ABLIM3: variants seen among roughly 807,000 people sequenced by gnomAD.
The protein encoded by ABLIM3 is actin-binding LIM protein 3.
ABLIM3 carries 61 observed loss-of-function variants against 109.5 expected under a neutral mutation model. The observed-to-expected ratio is 0.56, with a 90% CI of 0.45 to 0.69. ABLIM3 has a LOEUF of 0.69. Ranked by LOEUF, ABLIM3 falls within the 30% of genes least tolerant of loss-of-function variation. The pLI, the probability that ABLIM3 is intolerant of heterozygous loss-of-function variation, is 0.00. For synonymous variants in ABLIM3, 300 were observed against 324.8 expected, an observed-to-expected ratio of 0.92 and a Z score of 0.82; for missense variants, 796 against 889.5, an observed-to-expected ratio of 0.89 and a Z score of 1.34.
rs1223706975 is a variant in ABLIM3 at position 149,198,236 on chromosome 5, G to A, written c.169G>A (p.Ala57Thr). ...FTCQVCGCGL[A>T]QSGFFFKNQE... ...TCCCCAAGTATGTGGCTGTGGCCTG[G>A]CCCAGTCAGGCTTCTTCTTCAAGAA... The change falls in exon 4 of 24, where the codon GCC becomes ACC. Residue 57 changes from alanine to threonine, a missense_variant. Physicochemically the swap from Ala to Thr is moderately conservative, Grantham distance 58. Transcript: ENST00000309868. The surrounding 1 kb of genome is among the most constrained non-coding windows in gnomAD (Gnocchi z 4.2). 2.5e-6 allele frequency: 4 copies of A among 1,613,090 alleles called. No individual in the cohort carries two copies. Among genetic ancestry groups the A allele is most frequent in the Non-Finnish European group, 3.4e-6 (4 of 1,179,560 alleles).
In ABLIM3 at chr5:149,171,804, C is replaced by A. The variant is rs573318420; in HGVS notation, c.14-11648C>A. Among the ~76,000 whole-genome samples, 4 of 152,320 alleles carry A rather than the reference C, an allele frequency of 2.6e-5. No individual in the cohort carries two copies. The South Asian group carries it at 6.2e-4, about 24-fold the overall frequency. On this transcript the variant is annotated intron_variant, in intron 2 of 23. Coordinates refer to ENST00000309868, the MANE Select transcript of ABLIM3 (RefSeq NM_014945.5). ...TCAGTTTGGCCCCAATCCATGCCTT[C>A]CCAATCTCAAACATATCTCTTTGAA...
chr5:149,230,761 A>G (rs1046474681), intron 9 of ABLIM3, 54 bp downstream of exon 9: 215 of 1,595,966 alleles, frequency 1.3e-4, no homozygotes, highest in Non-Finnish European at 1.6e-4. Context: ...ACTTTCTGCC[A>G]CAGGCTAAGG....
rs1261017859 is a variant in ABLIM3, at chr5:149,176,557, G to C, written c.14-6895G>C. Among the ~76,000 whole-genome samples the C allele has an allele frequency of 2.6e-5, 4 of 151,998 alleles. No homozygotes were observed. The East Asian group carries it at 7.7e-4, about 29-fold the overall frequency. ...TGCCGTTTACTAACTGTGTGACCTT[G>C]GACAAGGGGTCTCAGGTCTCTGAGT... On this transcript the variant is annotated intron_variant, in intron 2 of 23. Transcript: ENST00000309868.
intron 8 of ABLIM3, among the ~76,000 whole-genome samples, chr5:149,223,478 C>A (rs1760867299): frequency 6.6e-6 from 1 of 152,154 alleles, no homozygotes; most frequent in Non-Finnish European, 1.5e-5. Context: ...GTGACAGAAA[C>A]CTAACTCAAG....
intron 2 of ABLIM3, among the ~76,000 whole-genome samples, chr5:149,144,512 A>G (rs1376259867): frequency 6.6e-6 from 1 of 152,158 alleles, no homozygotes; most frequent in Non-Finnish European, 1.5e-5. Flanking sequence ...CATGCCTGAT[A>G]TTGTCCCTAA....
In ABLIM3 at chr5:149,237,619, C is replaced by G. The variant is rs750880702; in HGVS notation, c.1044+16C>G. On this transcript the variant is annotated intron_variant, in intron 11 of 23. Coordinates refer to ENST00000309868, the MANE Select transcript of ABLIM3 (RefSeq NM_014945.5). ...CTATGGAGAGGTATCGCATCTTGCC[C>G]TTCTCTCTGGGGCTATTGTAGGAAA... 1.2e-6 allele frequency: 2 copies of G among 1,613,636 alleles called. No homozygotes were observed. The highest frequency in any genetic ancestry group is 3.3e-5 in the Admixed American group (2 of 60,020).
intron 14 of ABLIM3, 118 bp from the exon 15 acceptor site, chr5:149,242,373 A>G (rs571537879): frequency 1.0e-6 from 1 of 988,178 alleles, no homozygotes; most frequent in South Asian, 1.4e-5. Context: ...CCCTTGGAAA[A>G]AGTTGTTGCC....
chr5:149,207,088 A>C lies in ABLIM3; in HGVS notation c.529A>C (p.Lys177Gln), dbSNP rs1170913115. ...CAAGCAGTGGCACGTCAGCTGCTTC[A>C]AGTGCCAGACCTGCAGCGTCATCCT... ...LDKQWHVSCF[K>Q]CQTCSVILTG... Residue 177 changes from lysine to glutamine, a missense_variant, in exon 6 of 24, where the codon AAG (lysine) becomes CAG (glutamine). By Grantham distance (53) the Lys-to-Gln change is moderately conservative (BLOSUM62 1). Transcript: ENST00000309868. The C allele has an allele frequency of 1.9e-6, 3 of 1,613,884 alleles. No homozygotes were observed. Among genetic ancestry groups the C allele is most frequent in the Non-Finnish European group, 1.7e-6 (2 of 1,179,984 alleles).
At chr5:149,181,082 A>G (rs1328485654) in intron 2 of ABLIM3, among the ~76,000 whole-genome samples, 1 of 152,200 alleles carries the variant, frequency 6.6e-6, no homozygotes, top group African/African-American at 2.4e-5. Context: ...GTTAATGATG[A>G]TGATTGTACT....
chr5:149,167,861 G>A (rs562539924), intron 2 of ABLIM3, among the ~76,000 whole-genome samples: 9 of 152,312 alleles, frequency 5.9e-5, no homozygotes, highest in African/African-American at 2.2e-4. Context: ...ACTCCTGAGG[G>A]AAGTCAGAGA....
chr5:149,169,303 A>C (rs1391402937), intron 2 of ABLIM3, among the ~76,000 whole-genome samples: 1 of 152,102 alleles, frequency 6.6e-6, no homozygotes, highest in Non-Finnish European at 1.5e-5. Context: ...TCAGAGACTC[A>C]GCAACACCAT....
chr5:149,171,205 T>C (rs73798014), intron 2 of ABLIM3, among the ~76,000 whole-genome samples: 3,853 of 152,272 alleles, frequency 0.025, 142 homozygotes, highest in African/African-American at 0.086. Context: ...CAATCTCCCC[T>C]ACCCTAGCCT....
chr5:149,242,405 A>G, intron 14 of ABLIM3, 86 bp from the exon 15 acceptor site: 1 of 1,387,772 alleles, frequency 7.2e-7, no homozygotes. Flanking sequence ...TCTGAGATCA[A>G]CTGACCAAGT....
At chr5:149,235,616 C>T (rs527396232) in intron 10 of ABLIM3, among the ~76,000 whole-genome samples, 20 of 152,256 alleles carry the variant, frequency 1.3e-4, no homozygotes, top group Non-Finnish European at 2.4e-4. Context: ...AGTTATGGGT[C>T]GAGATGAGTT....
At chr5:149,179,796 T>C (rs1756300410) in intron 2 of ABLIM3, among the ~76,000 whole-genome samples, 1 of 152,194 alleles carries the variant, frequency 6.6e-6, no homozygotes, top group Admixed American at 6.5e-5. Context: ...AAATTAAATT[T>C]AATTTAAAAT....
chr5:149,247,239 G>A (rs2127567764), intron 17 of ABLIM3, among the ~76,000 whole-genome samples: 2 of 152,314 alleles, frequency 1.3e-5, no homozygotes, highest in South Asian at 4.1e-4. Flanking sequence ...GAAATATGCA[G>A]AATAGGCAAA....
At chr5:149,197,464 G>A (rs1240323590) in intron 3 of ABLIM3, among the ~76,000 whole-genome samples, 4 of 151,940 alleles carry the variant, frequency 2.6e-5, no homozygotes, top group African/African-American at 4.8e-5. Flanking sequence ...CGATGATATG[G>A]GACATTTTTT....
intron 7 of ABLIM3, among the ~76,000 whole-genome samples, chr5:149,211,142 TTTTATTTATTTA>T (rs558382170): frequency 7.2e-6 from 1 of 138,612 alleles, no homozygotes. Context: ...AGGAAGTCTT[TTTTATTTATTTA>T]TTTATTTATT....
chr5:149,176,942 A>G (rs1755987265), intron 2 of ABLIM3: 1 of 152,164 alleles, frequency 6.6e-6, no homozygotes, highest in Admixed American at 6.5e-5. Flanking sequence ...AAGAACAGAT[A>G]CCTCCATGCC....
Sources: gnomAD v4.1 joint callset for allele counts (sites outside exome capture counted in the v4.1 genomes callset) on GRCh38, gnomAD v4.1.1 for gene constraint, Gnocchi (gnomAD v3.1) non-coding constraint, MANE v1.5 for transcripts, NCBI Gene and HGNC (gene_info 2026-07-23, HGNC 2026-07-21) for gene names.